Variants in USP39 observed in about 807,000 individuals in gnomAD.
USP39 encodes ubiquitin specific peptidase 39.
In USP39, 38 loss-of-function variants were observed where a neutral mutation model predicts 66.4. The observed-to-expected ratio is 0.57, with a 90% CI of 0.44 to 0.75. The LOEUF is 0.75. Ranked by LOEUF, USP39 falls within the 30% of genes least tolerant of loss-of-function variation. USP39 has a pLI of 0.00. For missense variants in USP39, 608 were observed against 714.4 expected (o/e 0.85, Z 1.70); for synonymous variants, 303 against 274.6 (o/e 1.10, Z -1.02).
chr2:85,611,485 G>A (rs1673521579), upstream of USP39: 3 of 1,550,068 alleles, frequency 1.9e-6, no homozygotes, highest in South Asian at 1.2e-5. Flanking sequence ...GGGGGCTTAT[G>A]AGTCGTCCCA....
In USP39 at chr2:85,617,691, G is replaced by A. The variant is rs181137278; in HGVS notation, c.268+1228G>A. On this transcript the variant is annotated intron_variant, in intron 1 of 12. Transcript: ENST00000323701. ...TTCAGATTCTCTAAGCACGGGGTTC[G>A]TCTCCTGTAAGGCAGCTCACTGTGT... is the stretch of plus-strand genomic sequence containing the variant. 8.7e-4 allele frequency among the ~76,000 whole-genome samples: 132 copies of A among 152,262 alleles called. 2 individuals carry two copies. The highest frequency in any genetic ancestry group is 3.9e-4 in the East Asian group (2 of 5,186).
chr2:85,611,801 G>C, upstream of USP39: 1 of 1,610,274 alleles, frequency 6.2e-7, no homozygotes, highest in East Asian at 2.2e-5. Flanking sequence ...GGGGAGCCGA[G>C]CGGGAGTCAG....
rs529418700 is a variant in USP39, at chr2:85,626,983, G to A, written c.723+1292G>A. On this transcript the variant is annotated intron_variant, in intron 5 of 12. Coordinates refer to ENST00000323701, the MANE Select transcript of USP39 (RefSeq NM_006590.4). The stretch of plus-strand genomic sequence containing the variant: ...AGGCTGGTCTTGAACTCCTGACCTC[G>A]TGATCCACCTGCCTCGGCCTCCCAA... Among the ~76,000 whole-genome samples, 11 of 152,134 alleles carry A rather than the reference G, an allele frequency of 7.2e-5. No homozygotes were observed. In the South Asian group the frequency reaches 1.9e-3, roughly 26 times the overall value.
At chr2:85,613,888 C>T (rs1019644151), upstream of USP39, among the ~76,000 whole-genome samples, 1 of 152,064 alleles carries the variant, frequency 6.6e-6, no homozygotes, top group Non-Finnish European at 1.5e-5. Flanking sequence ...AACGATCCTC[C>T]TGCCTCAGCC....
chr2:85,622,312 G>A (rs908935130), intron 3 of USP39, among the ~76,000 whole-genome samples: 3 of 151,412 alleles, frequency 2.0e-5, no homozygotes, highest in Non-Finnish European at 4.4e-5. Context: ...TAGTAGAGAG[G>A]GGGTTTCACC....
chr2:85,626,450 T>C (rs191161384), intron 5 of USP39, among the ~76,000 whole-genome samples: 6 of 152,352 alleles, frequency 3.9e-5, no homozygotes, highest in Non-Finnish European at 8.8e-5. Context: ...TGAGTAATTG[T>C]TCTGCAACAG....
upstream of USP39, chr2:85,616,023 A>T: frequency 8.0e-7 from 1 of 1,251,980 alleles, no homozygotes; most frequent in Non-Finnish European, 1.0e-6. Flanking sequence ...CTAAGGGGAG[A>T]GGAAGCCAGT....
chr2:85,626,671 C>T (rs939127353), intron 5 of USP39, among the ~76,000 whole-genome samples: 1 of 151,672 alleles, frequency 6.6e-6, no homozygotes, highest in African/African-American at 2.4e-5. Context: ...TGCCCATGTG[C>T]TCATAACCCT....
At chr2:85,629,582 C>T (rs183009439) in intron 5 of USP39, among the ~76,000 whole-genome samples, 15 of 148,050 alleles carry the variant, frequency 1.0e-4, no homozygotes, top group East Asian at 4.1e-4. Flanking sequence ...CTGCAACCTC[C>T]GCCTCCCGGG....
intron 6 of USP39, among the ~76,000 whole-genome samples, chr2:85,632,307 G>C (rs995917859): frequency 1.3e-5 from 2 of 152,154 alleles, no homozygotes; most frequent in African/African-American, 4.8e-5. Flanking sequence ...TGTGGTCTGA[G>C]CTACTTGGGA....
At chr2:85,618,572 A>C (rs1487402296) in intron 1 of USP39, among the ~76,000 whole-genome samples, 1 of 151,594 alleles carries the variant, frequency 6.6e-6, no homozygotes, top group South Asian at 2.1e-4. Context: ...AAAAAAAAAA[A>C]AACAAAAAAA....
In USP39 at chr2:85,639,297, C is replaced by T; in HGVS notation, c.1190C>T (p.Thr397Ile). 6.2e-7 allele frequency: 1 copy of T among 1,614,094 alleles called. No homozygotes were observed. The highest frequency in any genetic ancestry group is 8.5e-7 in the Non-Finnish European group (1 of 1,180,032). ...TFMYLTLDLP[T>I]APLYKDEKEQ... ...ATGTACCTGACGCTGGACCTTCCTA[C>T]TGCCCCCCTCTACAAGGACGAGAAG... Residue 397 changes from threonine to isoleucine, a missense_variant, in exon 9 of 13, where the codon ACT (threonine) becomes ATT (isoleucine). Thr to Ile is a moderately conservative substitution (Grantham distance 89). Around this residue, in one of 6 missense-constraint regions of USP39, gnomAD observed 164 missense variants for 250.3 expected, o/e 0.66. Transcript: ENST00000323701.
intron 7 of USP39, 132 bp from the exon 8 acceptor site, chr2:85,637,237 C>G: frequency 1.2e-6 from 1 of 858,800 alleles, no homozygotes. Context: ...AAGGAAACTT[C>G]TGTGTTTAGT....
upstream of USP39, chr2:85,611,543 A>C: frequency 1.3e-6 from 2 of 1,551,042 alleles, no homozygotes; most frequent in Non-Finnish European, 1.7e-6. Flanking sequence ...GCTGAGGTGG[A>C]GGTTCCGGAA....
rs868268039 is a variant in USP39, at chr2:85,630,742, C to A, written c.745C>A (p.Leu249Ile). Residue 249 changes from leucine (L) to isoleucine (I), a missense_variant, in exon 6 of 13, where the codon CTC becomes ATC. By Grantham distance (5) the Leu-to-Ile change is conservative. Coordinates refer to ENST00000323701, the MANE Select transcript of USP39 (RefSeq NM_006590.4). The stretch of plus-strand genomic sequence containing the variant: ...TTAGGCTCTATCTAATGTTCCTCCT[C>A]TCCGGAACTACTTTCTGGAAGAAGA... The part of the protein sequence containing the change: ...VLQALSNVPP[L>I]RNYFLEEDNY... 6.2e-7 allele frequency: 1 copy of A among 1,614,200 alleles called. No individual in the cohort carries two copies. The highest frequency in any genetic ancestry group is 8.5e-7 in the Non-Finnish European group (1 of 1,180,028).
intron 5 of USP39, among the ~76,000 whole-genome samples, chr2:85,629,796 C>T (rs780570683): frequency 7.9e-5 from 12 of 151,884 alleles, no homozygotes; most frequent in Non-Finnish European, 1.6e-4. Flanking sequence ...CTCGCCTGGC[C>T]GACCATTTTC....
chr2:85,612,359 G>T (rs1361203237), upstream of USP39: 1 of 1,535,942 alleles, frequency 6.5e-7, no homozygotes, highest in African/African-American at 1.4e-5. Context: ...TCTTTTTTCT[G>T]GTAATAGGAT....
At chr2:85,620,268 C>T (rs1159495266) in intron 2 of USP39, among the ~76,000 whole-genome samples, 3 of 151,888 alleles carry the variant, frequency 2.0e-5, no homozygotes, top group Non-Finnish European at 2.9e-5. Context: ...ATTGCTTGAG[C>T]TCAGGAGTTT....
At position 85,617,958 on chromosome 2, in the gene USP39, C is replaced by CTT. The variant is rs34086230; in HGVS notation, c.269-1249_269-1248dup. ...AGATTTATAGATACACATGTACATT[C>CTT]TTTTTTTTTTTTTTGAGACAGTTTC... On this transcript the variant is annotated intron_variant, in intron 1 of 12. Coordinates refer to ENST00000323701, the MANE Select transcript of USP39 (RefSeq NM_006590.4). Among the ~76,000 whole-genome samples, 338 of 144,444 alleles carry CTT rather than the reference C, an allele frequency of 2.3e-3. 2 individuals are homozygous for CTT. The highest frequency in any genetic ancestry group is 7.0e-3 in the Middle Eastern group (2 of 284). 94.8% of individuals were successfully genotyped at this position (144,444 alleles called of 152,430 possible). A position where few individuals can be genotyped will look rare whatever the true frequency, so the allele number is the denominator to read the frequency against.
Sources: allele counts gnomAD v4.1 joint callset (sites outside exome capture counted in the v4.1 genomes callset), GRCh38; gene constraint gnomAD v4.1.1; regional missense constraint gnomAD v4.1.1; transcripts MANE v1.5; gene names NCBI Gene and HGNC (gene_info 2026-07-23, HGNC 2026-07-21).